Variants in SLC24A3 observed in about 807,000 individuals in gnomAD.
The protein encoded by SLC24A3 is sodium/potassium/calcium exchanger 3.
In SLC24A3, 28 loss-of-function variants were observed where a neutral mutation model predicts 75.8. The observed-to-expected ratio is 0.37, with a 90% CI of 0.27 to 0.51. The LOEUF (loss-of-function observed/expected upper bound fraction) is 0.51. Among genes scored for constraint, SLC24A3 ranks in the 20% least tolerant of loss-of-function variants. SLC24A3 has a pLI of 0.94. For missense variants in SLC24A3, 663 were observed against 847.8 expected, an observed-to-expected ratio of 0.78 and a Z score of 2.71; for synonymous variants, 372 against 334.1, an observed-to-expected ratio of 1.11 and a Z score of -1.24.
At chr20:19,309,726 T>A (rs1984411466) in intron 2 of SLC24A3, among the ~76,000 whole-genome samples, 1 of 152,222 alleles carries the variant, frequency 6.6e-6, no homozygotes, top group African/African-American at 2.4e-5. Context: ...TTGGAACTTT[T>A]TGCAAGCTTC....
chr20:19,255,588 A>T (rs1257425155), intron 1 of SLC24A3, among the ~76,000 whole-genome samples: 1 of 152,230 alleles, frequency 6.6e-6, no homozygotes, highest in Non-Finnish European at 1.5e-5. Flanking sequence ...ATTAACTGGC[A>T]CGTGGCCTTG....
chr20:19,298,433 T>G (rs1600417512), intron 2 of SLC24A3, among the ~76,000 whole-genome samples: 1 of 152,276 alleles, frequency 6.6e-6, no homozygotes, highest in East Asian at 1.9e-4. Context: ...TGGCACACCC[T>G]TGGTGATCAT....
In SLC24A3 at chr20:19,360,828, ATT is replaced by A. The variant is rs5840838; in HGVS notation, c.271+79756_271+79757del. Among the ~76,000 whole-genome samples, 906 of 144,922 alleles carry A rather than the reference ATT, an allele frequency of 6.3e-3. 3 individuals carry two copies. Among genetic ancestry groups the A allele is most frequent in the African/African-American group, 0.021 (797 of 38,788 alleles). ...CCTATTGAAGTACTAGCATGCAGAA[ATT>A]TTTTTTTTTTTTTTGAGACGGAGTC... On this transcript the variant is annotated intron_variant, in intron 2 of 16. Coordinates refer to ENST00000328041, the MANE Select transcript of SLC24A3 (RefSeq NM_020689.4).
chr20:19,481,221 CT>C (rs3838376), intron 2 of SLC24A3, among the ~76,000 whole-genome samples: 49,627 of 152,068 alleles, frequency 0.33, 8,507 homozygotes, highest in East Asian at 0.51. Flanking sequence ...TACGTCCTGG[CT>C]TGTCAGTGTG....
At chr20:19,664,878 G>A (rs1337156648) in intron 7 of SLC24A3, among the ~76,000 whole-genome samples, 2 of 152,192 alleles carry the variant, frequency 1.3e-5, no homozygotes, top group Non-Finnish European at 2.9e-5. Context: ...AGCCATGTGT[G>A]TCATGAAAAG....
At chr20:19,683,936 G>A (rs1468047877) in intron 10 of SLC24A3, among the ~76,000 whole-genome samples, 4 of 152,170 alleles carry the variant, frequency 2.6e-5, no homozygotes, top group Non-Finnish European at 2.9e-5. Context: ...AATAAGGAAA[G>A]AAGAGTGGAT....
intron 6 of SLC24A3, among the ~76,000 whole-genome samples, chr20:19,594,481 T>C (rs1049842637): frequency 2.0e-5 from 3 of 152,234 alleles, no homozygotes; most frequent in Non-Finnish European, 2.9e-5. Flanking sequence ...AGTCCACTGA[T>C]TGTGTTCTAG....
At position 19,665,987 on chromosome 20, in the gene SLC24A3, G is replaced by A. The variant is rs538487668; in HGVS notation, c.713+98G>A. ...TGGGATTCAAGAAAGAAAGGGAAGTGTCATGACAGCTTAGAATGAGGAGAA... is the reference window on the plus strand; with the variant it reads ...TGGGATTCAAGAAAGAAAGGGAAGTATCATGACAGCTTAGAATGAGGAGAA... On this transcript the variant is annotated intron_variant, in intron 8 of 16. Coordinates refer to ENST00000328041, the MANE Select transcript of SLC24A3 (RefSeq NM_020689.4). The A allele has an allele frequency of 1.2e-5, 16 of 1,340,690 alleles. No individual in the cohort carries two copies. In the South Asian group the frequency reaches 2.0e-4, roughly 17 times the overall value. 83.0% of individuals were successfully genotyped at this position (1,340,690 alleles called of 1,614,324 possible).
In SLC24A3 at chr20:19,281,020, G is replaced by GC; in HGVS notation, c.205dup (p.Gln69ProfsTer26). 6.2e-7 allele frequency: 1 copy of GC among 1,614,196 alleles called. No individual in the cohort carries two copies. Among genetic ancestry groups the GC allele is most frequent in the Non-Finnish European group, 8.5e-7 (1 of 1,180,022 alleles). The stretch of plus-strand genomic sequence containing the variant: ...AGTGGATGATGGCGAGGAAGCTGAT[G>GC]CAGGTGAACGACACTCTGACTTCCG... On this transcript the variant is annotated frameshift_variant, in exon 2 of 17. Coordinates refer to ENST00000328041, the MANE Select transcript of SLC24A3 (RefSeq NM_020689.4). LOFTEE classifies it high-confidence loss of function.
intron 3 of SLC24A3, among the ~76,000 whole-genome samples, chr20:19,571,488 G>A (rs2031051665): frequency 6.6e-6 from 1 of 152,120 alleles, no homozygotes; most frequent in Non-Finnish European, 1.5e-5. Flanking sequence ...AGAACAAAGG[G>A]GGGAAAGTAG....
Position 19,597,883 on chromosome 20 carries a change from G to A in SLC24A3, c.612+12339G>A, listed in dbSNP as rs116000892. ...CATGATGACGTCCAATTCCATCCGC[G>A]TTGCTGCAGATGACAGCATTTCATT... On this transcript the variant is annotated intron_variant, in intron 6 of 16. Transcript: ENST00000328041. 9.7e-3 allele frequency among the ~76,000 whole-genome samples: 1,474 copies of A among 152,268 alleles called. 23 individuals are homozygous for A. Among genetic ancestry groups the A allele is most frequent in the African/African-American group, 0.033 (1,368 of 41,550 alleles).
At chr20:19,476,544 A>G (rs1987964647) in intron 2 of SLC24A3, among the ~76,000 whole-genome samples, 1 of 152,236 alleles carries the variant, frequency 6.6e-6, no homozygotes, top group African/African-American at 2.4e-5. Flanking sequence ...TGCTCTGTGT[A>G]AGACACCATG....
intron 6 of SLC24A3, among the ~76,000 whole-genome samples, chr20:19,632,944 A>T (rs1265784745): frequency 6.6e-6 from 1 of 152,238 alleles, no homozygotes; most frequent in Non-Finnish European, 1.5e-5. Context: ...CTCCTACAAG[A>T]TACGGACAAC....
intron 2 of SLC24A3, among the ~76,000 whole-genome samples, chr20:19,349,616 C>T (rs959792118): frequency 6.6e-6 from 1 of 152,174 alleles, no homozygotes; most frequent in Non-Finnish European, 1.5e-5. Flanking sequence ...GATGGGATGG[C>T]TCTGAGGTGC....
intron 2 of SLC24A3, among the ~76,000 whole-genome samples, chr20:19,376,979 A>G (rs1399240393): frequency 1.3e-5 from 2 of 152,204 alleles, no homozygotes; most frequent in Non-Finnish European, 2.9e-5. Context: ...TAGCAGAGGA[A>G]ATGCCACCGG....
At chr20:19,268,386 ATCC>A (rs1983228320) in intron 1 of SLC24A3, among the ~76,000 whole-genome samples, 1 of 152,208 alleles carries the variant, frequency 6.6e-6, no homozygotes, top group Admixed American at 6.5e-5. Flanking sequence ...TATGTAGCTC[ATCC>A]TCCAGTAGCA....
At chr20:19,448,349 C>G (rs916356801) in intron 2 of SLC24A3, among the ~76,000 whole-genome samples, 3 of 152,216 alleles carry the variant, frequency 2.0e-5, no homozygotes, top group African/African-American at 7.2e-5. Context: ...TCTTTTAATT[C>G]CGGTAACCAA....
At chr20:19,231,335 C>G (rs763002820) in intron 1 of SLC24A3, among the ~76,000 whole-genome samples, 2 of 152,124 alleles carry the variant, frequency 1.3e-5, no homozygotes, top group Non-Finnish European at 2.9e-5. Flanking sequence ...TGTTACGTGG[C>G]AAGGAGGAGT....
At chr20:19,675,925 T>G (rs2032517146) in intron 9 of SLC24A3, among the ~76,000 whole-genome samples, 2 of 152,196 alleles carry the variant, frequency 1.3e-5, no homozygotes, top group Admixed American at 1.3e-4. Flanking sequence ...CTTCCTTTGC[T>G]GTTTTCTAGT....
Sources: allele counts gnomAD v4.1 joint callset (sites outside exome capture counted in the v4.1 genomes callset), GRCh38; gene constraint gnomAD v4.1.1; transcripts MANE v1.5; gene names NCBI Gene and HGNC (gene_info 2026-07-23, HGNC 2026-07-21).